PRKN: variants seen among roughly 807,000 people sequenced by gnomAD.
PRKN encodes the protein E3 ubiquitin-protein ligase parkin.
PRKN carries 56 observed loss-of-function variants against 59.5 expected under a neutral mutation model. The observed-to-expected ratio is 0.94, with a 90% CI of 0.76 to 1.18. PRKN has a LOEUF of 1.18. PRKN is among the 50% of genes most tolerant of loss of function. PRKN has a pLI of 0.00. For synonymous variants in PRKN, 250 were observed against 222.1 expected, an observed-to-expected ratio of 1.13 and a Z score of -1.12; for missense variants, 657 against 596.4, an observed-to-expected ratio of 1.10 and a Z score of -1.06.
chr6:161,741,570 C>T (rs1788185631), intron 7 of PRKN, among the ~76,000 whole-genome samples: 1 of 152,142 alleles, frequency 6.6e-6, no homozygotes, highest in African/African-American at 2.4e-5. Context: ...ATCCTTCAGA[C>T]ACGATCCCCA....
intron 1 of PRKN, among the ~76,000 whole-genome samples, chr6:162,537,165 A>AC (rs1444685191): frequency 1.3e-5 from 2 of 152,150 alleles, no homozygotes; most frequent in Non-Finnish European, 2.9e-5. Flanking sequence ...CATCACAGTC[A>AC]CCTGGGGAGC....
At chr6:162,575,316 C>A (rs1256867527) in intron 1 of PRKN, among the ~76,000 whole-genome samples, 1 of 152,188 alleles carries the variant, frequency 6.6e-6, no homozygotes, top group East Asian at 1.9e-4. Context: ...TCTGCATGGT[C>A]ACACCCAGTA....
intron 9 of PRKN, among the ~76,000 whole-genome samples, chr6:161,507,505 C>T (rs566162235): frequency 5.3e-5 from 8 of 152,274 alleles, no homozygotes; most frequent in African/African-American, 1.7e-4. Context: ...CAATTATAAT[C>T]TACAATCTCT....
chr6:161,810,958 G>A (rs111715521), intron 6 of PRKN, among the ~76,000 whole-genome samples: 6,150 of 152,122 alleles, frequency 0.04, 249 homozygotes, highest in African/African-American at 0.11. Flanking sequence ...TTCGTCTGAT[G>A]GGGAAGAGGA....
rs1782816059 is a variant in PRKN, at chr6:161,619,510, T to C, written c.872-50094A>G. Among the ~76,000 whole-genome samples the C allele has an allele frequency of 2.0e-5, 3 of 152,258 alleles. No individual in the cohort carries two copies. In the South Asian group the frequency reaches 6.2e-4, roughly 32 times the overall value. ...ATAACAATAACTAACATTTACAGGG[T>C]TCTTACTTGGTATCAGTTTAAGCTC... On this transcript the variant is annotated intron_variant, in intron 7 of 11. Transcript: ENST00000366898.
At chr6:161,781,243 T>A (rs560260965) in intron 7 of PRKN, among the ~76,000 whole-genome samples, 1 of 152,324 alleles carries the variant, frequency 6.6e-6, no homozygotes, top group Admixed American at 6.5e-5. Flanking sequence ...ATATAAGTTC[T>A]CAATAGCAAC....
At chr6:161,374,360 CGTGTGTGTTGT>C (rs949933634) in intron 10 of PRKN, among the ~76,000 whole-genome samples, 2 of 139,438 alleles carry the variant, frequency 1.4e-5, no homozygotes, top group African/African-American at 5.4e-5. Flanking sequence ...ATGTGTGCGC[CGTGTGTGTTGT>C]GTATGTGTGG....
intron 9 of PRKN, among the ~76,000 whole-genome samples, chr6:161,516,945 A>G (rs78008396): frequency 0.018 from 2,721 of 152,020 alleles, 56 homozygotes; most frequent in South Asian, 0.069. Flanking sequence ...GTTGTTTCTC[A>G]TTGTATGCAT....
At chr6:161,486,251 T>C (rs550086049) in intron 9 of PRKN, among the ~76,000 whole-genome samples, 6 of 152,052 alleles carry the variant, frequency 3.9e-5, no homozygotes, top group Admixed American at 2.6e-4. Context: ...GTTATGTGTT[T>C]TTTTTAAACA....
intron 6 of PRKN, among the ~76,000 whole-genome samples, chr6:161,923,460 TAAATA>T (rs1184900938): frequency 6.6e-6 from 1 of 152,072 alleles, no homozygotes; most frequent in African/African-American, 2.4e-5. Context: ...AATAAATAAA[TAAATA>T]AAATAAAGTA....
intron 6 of PRKN, among the ~76,000 whole-genome samples, chr6:161,877,443 A>C (rs182924458): frequency 6.6e-6 from 1 of 151,544 alleles, no homozygotes; most frequent in African/African-American, 2.4e-5. Context: ...GATAATGCAA[A>C]TATGGAAACA....
At chr6:161,733,892 A>G (rs1359167069) in intron 7 of PRKN, among the ~76,000 whole-genome samples, 3 of 149,374 alleles carry the variant, frequency 2.0e-5, no homozygotes, top group Admixed American at 1.3e-4. Context: ...TCTCCAAAAA[A>G]TAACTTTCAT....
chr6:161,453,376 C>CA (rs1438625523), intron 9 of PRKN, among the ~76,000 whole-genome samples: 1 of 151,860 alleles, frequency 6.6e-6, no homozygotes, highest in Non-Finnish European at 1.5e-5. Context: ...TGTAGATAAA[C>CA]AACGTGTGTT....
intron 7 of PRKN, among the ~76,000 whole-genome samples, chr6:161,671,304 G>A (rs986937041): frequency 5.9e-5 from 9 of 152,048 alleles, no homozygotes; most frequent in African/African-American, 1.5e-4. Context: ...TGGTACATGC[G>A]TCCCAGGAAC....
chr6:162,352,250 GA>G (rs1031516021), intron 2 of PRKN, among the ~76,000 whole-genome samples: 14 of 152,160 alleles, frequency 9.2e-5, no homozygotes, highest in African/African-American at 3.4e-4. Context: ...CTGAGAACCA[GA>G]ACTACTTTTT....
chr6:161,837,586 A>AC (rs201853372), intron 6 of PRKN, among the ~76,000 whole-genome samples: 3,098 of 151,984 alleles, frequency 0.02, 114 homozygotes, highest in African/African-American at 0.071. Flanking sequence ...AAAAAAAAAA[A>AC]AAACAACCCA....
chr6:162,259,546 C>G (rs569612962), intron 3 of PRKN, among the ~76,000 whole-genome samples: 1 of 152,210 alleles, frequency 6.6e-6, no homozygotes, highest in South Asian at 2.1e-4. Context: ...AGTAACTTTA[C>G]GCTATCATTT....
chr6:162,225,991 T>C (rs1396959222), intron 3 of PRKN, among the ~76,000 whole-genome samples: 1 of 147,316 alleles, frequency 6.8e-6, no homozygotes, highest in Non-Finnish European at 1.5e-5. Context: ...TATATACAAA[T>C]GGAAAGAGTT....
chr6:161,706,640 T>C (rs1453921498), intron 7 of PRKN, among the ~76,000 whole-genome samples: 1 of 152,094 alleles, frequency 6.6e-6, no homozygotes, highest in Non-Finnish European at 1.5e-5. Flanking sequence ...TGGAGTGCGG[T>C]GGCGCAATCT....
Sources: gnomAD v4.1 joint callset for allele counts (sites outside exome capture counted in the v4.1 genomes callset) on GRCh38, gnomAD v4.1.1 for gene constraint, MANE v1.5 for transcripts, NCBI Gene and HGNC (gene_info 2026-07-23, HGNC 2026-07-21) for gene names.